APPBP2: variants seen among roughly 807,000 people sequenced by gnomAD.
APPBP2 encodes the protein amyloid protein-binding protein 2.
In APPBP2, 15 loss-of-function variants were observed where a neutral mutation model predicts 76.0. The observed-to-expected ratio is 0.20, with a 90% CI of 0.13 to 0.30. The LOEUF (loss-of-function observed/expected upper bound fraction) is 0.30. Ranked by LOEUF, APPBP2 falls within the 10% of genes least tolerant of loss-of-function variation. APPBP2 has a pLI of 1.00. For missense variants in APPBP2, 401 were observed against 687.2 expected, an observed-to-expected ratio of 0.58 and a Z score of 4.66; for synonymous variants, 222 against 242.2, an observed-to-expected ratio of 0.92 and a Z score of 0.77.
At chr17:60,498,582 C>CAT (rs760732533) in intron 2 of APPBP2, among the ~76,000 whole-genome samples, 7 of 151,666 alleles carry the variant, frequency 4.6e-5, no homozygotes, top group South Asian at 4.2e-4. Flanking sequence ...AATAAAACAC[C>CAT]ATATATATAT....
intron 3 of APPBP2, among the ~76,000 whole-genome samples, chr17:60,492,998 T>C (rs532741995): frequency 2.6e-5 from 4 of 152,306 alleles, no homozygotes; most frequent in East Asian, 3.9e-4. Flanking sequence ...TGGTGAAAGA[T>C]AACTGAATCA....
intron 6 of APPBP2, among the ~76,000 whole-genome samples, chr17:60,463,738 G>C (rs2090491542): frequency 6.6e-6 from 1 of 152,138 alleles, no homozygotes; most frequent in Non-Finnish European, 1.5e-5. Context: ...AGCCAGAATA[G>C]CACCCAAATA....
At chr17:60,507,244 CAG>C (rs2090875989) in intron 1 of APPBP2, among the ~76,000 whole-genome samples, 12 of 148,696 alleles carry the variant, frequency 8.1e-5, no homozygotes, top group African/African-American at 2.8e-4. Context: ...TTTTTTGAGA[CAG>C]AGTCTCATTC....
chr17:60,517,165 T>G (rs2090969897), intron 1 of APPBP2, among the ~76,000 whole-genome samples: 1 of 152,070 alleles, frequency 6.6e-6, no homozygotes, highest in South Asian at 2.1e-4. Flanking sequence ...TTAGTGGAGA[T>G]GGGGTTTCAC....
At chr17:60,461,005 TA>T in intron 8 of APPBP2, 1 of 257,014 alleles carries the variant, frequency 3.9e-6, no homozygotes, top group East Asian at 7.1e-5. Flanking sequence ...GGCTTAATAA[TA>T]ATAATAATAA....
rs747353270 is a variant in APPBP2 at position 60,464,005 on chromosome 17, T to A, written c.762+16A>T. The A allele has an allele frequency of 6.6e-7, 1 of 1,523,798 alleles. No homozygotes were observed. Among genetic ancestry groups the A allele is most frequent in the South Asian group, 1.2e-5 (1 of 83,620 alleles). The allele number at this position is 1,523,798 out of a possible 1,614,324, so 94.4% of individuals were successfully genotyped here. A position where few individuals can be genotyped will look rare whatever the true frequency, so the allele number is the denominator to read the frequency against. On this transcript the variant is annotated intron_variant, in intron 6 of 12. Transcript: ENST00000083182. Reference sequence around the variant, plus strand: ...AAATCCTATAATTCATTTAATAATTTTAACATTATATTTACCTTAGAAGCT... The same window carrying A: ...AAATCCTATAATTCATTTAATAATTATAACATTATATTTACCTTAGAAGCT...
In APPBP2 at chr17:60,444,991, A is replaced by G. The variant is rs2143262739; in HGVS notation, c.*2590T>C. The G allele has an allele frequency of 1.3e-5, 2 of 152,304 alleles. 1 individual carries two copies. Among genetic ancestry groups the G allele is most frequent in the East Asian group, 3.9e-4 (2 of 5,190 alleles). 9.4% of individuals were successfully genotyped at this position (152,304 alleles called of 1,614,324 possible). A position where few individuals can be genotyped will look rare whatever the true frequency, so the allele number is the denominator to read the frequency against. On this transcript the variant is annotated 3_prime_UTR_variant, in exon 13 of 13. Coordinates refer to ENST00000083182, the MANE Select transcript of APPBP2 (RefSeq NM_006380.5). ...TGAGATAAATTTTATTATTTTCTTC[A>G]AGATTTTTAAGAAACCCAATAAATC...
chr17:60,458,023 G>A lies in APPBP2; in HGVS notation c.1062-1642C>T, dbSNP rs192194413. Among the ~76,000 whole-genome samples the A allele has an allele frequency of 1.3e-3, 205 of 152,158 alleles. 1 individual carries two copies. The highest frequency in any genetic ancestry group is 0.012 in the Admixed American group (181 of 15,272). On this transcript the variant is annotated intron_variant, in intron 9 of 12. Coordinates refer to ENST00000083182, the MANE Select transcript of APPBP2 (RefSeq NM_006380.5). ...TCTCTCTACGGATTTGCCTATTCTG[G>A]ACATATTACATAAATGAAATCATAC...
intron 2 of APPBP2, among the ~76,000 whole-genome samples, chr17:60,495,435 ATTTATTATTTATTTATTTAT>A (rs1567934569): frequency 1.7e-5 from 2 of 114,312 alleles, no homozygotes; most frequent in Non-Finnish European, 3.2e-5. Context: ...TATTTTATTT[ATTTATTATTTATTTATTTAT>A]TTATTTATTT....
intron 1 of APPBP2, among the ~76,000 whole-genome samples, chr17:60,513,746 C>T (rs548672777): frequency 6.6e-6 from 1 of 151,322 alleles, no homozygotes; most frequent in African/African-American, 2.4e-5. Flanking sequence ...GCCTGTAATC[C>T]CAGCTACTCG....
chr17:60,492,934 A>C (rs2090741884), intron 3 of APPBP2, among the ~76,000 whole-genome samples: 1 of 152,154 alleles, frequency 6.6e-6, no homozygotes, highest in Admixed American at 6.5e-5. Context: ...GTCCCCACCC[A>C]AATCTCATTT....
chr17:60,509,881 T>C (rs2090898116), intron 1 of APPBP2, among the ~76,000 whole-genome samples: 3 of 152,140 alleles, frequency 2.0e-5, no homozygotes, highest in Non-Finnish European at 2.9e-5. Context: ...GGAAAGTGAA[T>C]GGGAGAACAG....
chr17:60,492,807 A>G (rs1288080542), intron 3 of APPBP2, among the ~76,000 whole-genome samples: 1 of 152,104 alleles, frequency 6.6e-6, no homozygotes, highest in African/African-American at 2.4e-5. Context: ...GGACTTTTTG[A>G]GTTAATGCTG....
At position 60,456,277 on chromosome 17, in the gene APPBP2, A is replaced by T; in HGVS notation, c.1147+19T>A. On this transcript the variant is annotated intron_variant, in intron 10 of 12. Transcript: ENST00000083182. ...TATCATCTATTTTAAAATATCTGAG[A>T]CTAGATTACAAAGGATACCTTTCAC... 6.8e-7 allele frequency: 1 copy of T among 1,479,862 alleles called. No homozygotes were observed. Among genetic ancestry groups the T allele is most frequent in the Non-Finnish European group, 9.4e-7 (1 of 1,059,470 alleles). 91.7% of individuals were successfully genotyped at this position (1,479,862 alleles called of 1,614,324 possible).
chr17:60,475,872 T>C (rs987283857), intron 4 of APPBP2, among the ~76,000 whole-genome samples: 2 of 152,214 alleles, frequency 1.3e-5, no homozygotes, highest in Admixed American at 6.5e-5. Context: ...CTCTGTTCCC[T>C]TATCTGGAGG....
rs1352995364 is a variant in APPBP2, at chr17:60,444,564, A to ATACCT, written c.*3012_*3016dup. On this transcript the variant is annotated 3_prime_UTR_variant, in exon 13 of 13. Transcript: ENST00000083182. ...TCAAATTATTTTCACAAGTGAAAAA[A>ATACCT]TACCTGGGCAGGGGTTACTACAAAG... The ATACCT allele has an allele frequency of 1.3e-5, 2 of 152,064 alleles. No individual in the cohort carries two copies. The allele number at this position is 152,064 out of a possible 1,614,324, so 9.4% of individuals were successfully genotyped here. A position where few individuals can be genotyped will look rare whatever the true frequency, so the allele number is the denominator to read the frequency against.
chr17:60,524,020 A>G (rs2091030618), intron 1 of APPBP2, among the ~76,000 whole-genome samples: 1 of 152,230 alleles, frequency 6.6e-6, no homozygotes. Flanking sequence ...CCCTCATCTT[A>G]GCACAGTGCC....
At chr17:60,470,653 C>T (rs1448085547) in intron 4 of APPBP2, among the ~76,000 whole-genome samples, 3 of 152,108 alleles carry the variant, frequency 2.0e-5, no homozygotes, top group African/African-American at 4.8e-5. Context: ...TCTTGGCTCA[C>T]TGCAACCTCT....
intron 3 of APPBP2, among the ~76,000 whole-genome samples, chr17:60,486,760 C>T (rs1288800619): frequency 6.6e-6 from 1 of 152,054 alleles, no homozygotes; most frequent in Non-Finnish European, 1.5e-5. Flanking sequence ...TTATTTTGGC[C>T]ATTAGTTGAT....
Sources: allele counts gnomAD v4.1 joint callset (sites outside exome capture counted in the v4.1 genomes callset), GRCh38; gene constraint gnomAD v4.1.1; transcripts MANE v1.5; gene names NCBI Gene and HGNC (gene_info 2026-07-23, HGNC 2026-07-21).